Variants in PZP observed in about 807,000 individuals in gnomAD.
PZP encodes the protein PZP alpha-2-macroglobulin like.
In PZP, 150 loss-of-function variants were observed where a neutral mutation model predicts 179.8. The observed-to-expected ratio is 0.83, with a 90% CI of 0.73 to 0.96. The LOEUF (loss-of-function observed/expected upper bound fraction) is 0.96, where lower values mean the gene tolerates loss of function less well. Ranked by LOEUF, PZP falls within the 40% of genes least tolerant of loss-of-function variation. The pLI is 0.00. For missense variants in PZP, 1,689 were observed against 1,764.0 expected, an observed-to-expected ratio of 0.96 and a Z score of 0.76; for synonymous variants, 624 against 652.3, an observed-to-expected ratio of 0.96 and a Z score of 0.66.
chr12:9,196,868 C>T, intron 8 of PZP, 144 bp downstream of exon 8: 1 of 778,578 alleles, frequency 1.3e-6, no homozygotes, highest in African/African-American at 1.7e-5. Context: ...AAATGAGAAT[C>T]TTGTTGACTA....
chr12:9,148,647 C>T (rs181202385), downstream of PZP, among the ~76,000 whole-genome samples: 2 of 152,244 alleles, frequency 1.3e-5, no homozygotes, highest in African/African-American at 4.8e-5. Context: ...CTATCATCCC[C>T]TTATGTTCTC....
intron 7 of PZP, 63 bp downstream of exon 7, chr12:9,200,301 C>T (rs1592563869): frequency 1.8e-6 from 2 of 1,102,860 alleles, no homozygotes; most frequent in East Asian, 2.5e-5. Flanking sequence ...TAATTTTGTA[C>T]CTACATAATC....
At chr12:9,161,174 G>C (rs1435661366) in intron 22 of PZP, 58 bp from the exon 23 acceptor site, 12 of 1,371,990 alleles carry the variant, frequency 8.7e-6, no homozygotes, top group Admixed American at 2.1e-5. Flanking sequence ...ATATAATTTA[G>C]TGATTATAAT....
intron 15 of PZP, among the ~76,000 whole-genome samples, chr12:9,174,887 C>G (rs768986432): frequency 3.3e-5 from 5 of 152,280 alleles, no homozygotes; most frequent in African/African-American, 1.2e-4. Flanking sequence ...CCATACTGCC[C>G]AAAGTATTTT....
downstream of PZP, among the ~76,000 whole-genome samples, chr12:9,145,280 A>G (rs2120432026): frequency 6.6e-6 from 1 of 151,390 alleles, no homozygotes; most frequent in East Asian, 1.9e-4. Flanking sequence ...CTTGTGTTTT[A>G]TTGTTTTTTT....
rs756116679 is a variant in PZP, at chr12:9,154,653, T to C, written c.3737A>G (p.Lys1246Arg). 1 of 1,614,190 alleles carries C rather than the reference T, an allele frequency of 6.2e-7. No individual in the cohort carries two copies. The part of the protein sequence containing the change: ...SATNIVKWIM[K>R]QQNAQGGFSS... The stretch of plus-strand genomic sequence containing the variant: ...GAAACCACCTTGGGCGTTCTGCTGC[T>C]TCATGATCCACTTCACAATGTTAGT... Residue 1246 changes from lysine to arginine, a missense_variant, in exon 29 of 36, where the codon AAG (lysine) becomes AGG (arginine). This residue lies in a region of PZP where 746 missense variants were observed against 749.2 expected (regional missense o/e 1.00). Coordinates refer to ENST00000261336, the MANE Select transcript of PZP (RefSeq NM_002864.3).
Position 9,194,225 on chromosome 12 carries a change from T to G in PZP, c.1106A>C (p.Asp369Ala). The G allele has an allele frequency of 6.2e-7, 1 of 1,613,890 alleles. No individual in the cohort carries two copies. The highest frequency in any genetic ancestry group is 8.5e-7 in the Non-Finnish European group (1 of 1,179,902). The change falls in exon 11 of 36, where the codon GAT becomes GCT. Residue 369 changes from aspartate (D) to alanine (A), a missense_variant. Asp to Ala is a moderately radical substitution (Grantham distance 126). Coordinates refer to ENST00000261336, the MANE Select transcript of PZP (RefSeq NM_002864.3). ...IPFFAQVLLV[D>A]GKGVPIPNKL... is the part of the protein sequence containing the mutation. The stretch of plus-strand genomic sequence containing the variant: ...ATTGGGGATGGGCACACCTTTTCCA[T>G]CCACCAGAAGCACCTAAAGAAGAAA...
chr12:9,181,030 G>C lies in PZP; in HGVS notation c.1792C>G (p.Gln598Glu). ...QSLCALRAVDQSVLLMKPEAE... is the reference protein window; with the variant it reads ...QSLCALRAVDESVLLMKPEAE... ...TCAGGCTTCATGAGCAGCACACTTT[G>C]GTCCACAGCACGAAGGGCACAGAGG... Residue 598 changes from glutamine to glutamate, a missense_variant, in exon 15 of 36, where the codon CAA (glutamine) becomes GAA (glutamate). Gln to Glu is a conservative substitution (Grantham distance 29). Coordinates refer to ENST00000261336, the MANE Select transcript of PZP (RefSeq NM_002864.3). 6.2e-7 allele frequency: 1 copy of C among 1,614,130 alleles called. No homozygotes were observed. Among genetic ancestry groups the C allele is most frequent in the Non-Finnish European group, 8.5e-7 (1 of 1,180,006 alleles).
intron 17 of PZP, among the ~76,000 whole-genome samples, chr12:9,167,787 A>T (rs942434739): frequency 3.3e-5 from 5 of 152,136 alleles, no homozygotes; most frequent in African/African-American, 1.2e-4. Flanking sequence ...CTTGAATTTA[A>T]TAAATTCAAG....
chr12:9,207,340 T>C (rs981545827), intron 1 of PZP, among the ~76,000 whole-genome samples: 4 of 152,196 alleles, frequency 2.6e-5, no homozygotes, highest in Non-Finnish European at 5.9e-5. Context: ...TGTGCTATTA[T>C]TGGACCCAAG....
At chr12:9,158,616 T>G (rs1412078551) in intron 25 of PZP, 40 bp from the exon 26 acceptor site, 1 of 1,604,064 alleles carries the variant, frequency 6.2e-7, no homozygotes, top group South Asian at 1.1e-5. Flanking sequence ...CTCTTTTCAT[T>G]GAGCACTTTA....
rs775583909 is a variant in PZP at position 9,153,208 on chromosome 12, G to A, written c.3910C>T (p.Leu1304=). Residue 1304 remains leucine, a synonymous_variant, in exon 30 of 36, where the codon CTA becomes TTA. Transcript: ENST00000261336. ...GGCAATGAGATCTGCTGCAGTAATA[G>A]GAGGTTGTTGTTGTCTACTTGGAAA... The part of the protein sequence containing the change: ...TNFQVDNNNL[L]LLQQISLPEL... 7 of 1,614,216 alleles carry A rather than the reference G, an allele frequency of 4.3e-6. No homozygotes were observed. The highest frequency in any genetic ancestry group is 1.7e-5 in the Admixed American group (1 of 60,032).
intron 2 of PZP, among the ~76,000 whole-genome samples, chr12:9,202,922 A>C (rs990856178): frequency 6.6e-6 from 1 of 152,180 alleles, no homozygotes; most frequent in Non-Finnish European, 1.5e-5. Context: ...TAGTTATTAA[A>C]TTAGATGCCT....
the PZP span, among the ~76,000 whole-genome samples, chr12:9,138,591 A>T: frequency 2.6e-5 from 4 of 151,960 alleles, no homozygotes; most frequent in East Asian, 7.7e-4. Flanking sequence ...TTTTAAAAAA[A>T]TGTGTATTAG....
intron 25 of PZP, 77 bp from the exon 26 acceptor site, chr12:9,158,653 C>T (rs1940939150): frequency 6.2e-6 from 9 of 1,440,772 alleles, no homozygotes; most frequent in African/African-American, 1.4e-5. Flanking sequence ...ACACAGGCTC[C>T]CCCATCACAG....
intron 28 of PZP, among the ~76,000 whole-genome samples, chr12:9,156,931 A>T (rs1245610299): frequency 2.0e-5 from 3 of 151,424 alleles, no homozygotes; most frequent in East Asian, 1.9e-4. Flanking sequence ...TTTATTTTTT[A>T]AATGTTATTT....
chr12:9,184,510 A>G (rs1675121031), intron 13 of PZP, among the ~76,000 whole-genome samples: 1 of 152,220 alleles, frequency 6.6e-6, no homozygotes, highest in Non-Finnish European at 1.5e-5. Flanking sequence ...GAATGCCTGC[A>G]CAAAGGCCAG....
At chr12:9,177,834 A>T (rs1942492393) in intron 15 of PZP, among the ~76,000 whole-genome samples, 1 of 152,230 alleles carries the variant, frequency 6.6e-6, no homozygotes, top group Admixed American at 6.5e-5. Context: ...AATAAGACAG[A>T]CATAAACTGT....
intron 15 of PZP, among the ~76,000 whole-genome samples, chr12:9,174,558 AACCCCATTAT>A (rs1343423065): frequency 6.6e-6 from 1 of 152,212 alleles, no homozygotes; most frequent in Non-Finnish European, 1.5e-5. Flanking sequence ...ATATCTAGAA[AACCCCATTAT>A]CTCAGTCCAA....
Sources: gnomAD v4.1 joint callset for allele counts (sites outside exome capture counted in the v4.1 genomes callset) on GRCh38, gnomAD v4.1.1 for gene constraint, gnomAD v4.1.1 regional missense constraint, MANE v1.5 for transcripts, NCBI Gene and HGNC (gene_info 2026-07-23, HGNC 2026-07-21) for gene names.